The following UBE2H variants were observed in gnomAD, a reference collection of about 807,000 sequenced individuals.
UBE2H encodes the protein ubiquitin conjugating enzyme E2 H.
A neutral mutation model predicts 29.0 loss-of-function variants in UBE2H; 3 were observed. The ratio of observed to expected loss-of-function variants is 0.10; its 90% confidence interval spans 0.05 to 0.27. The LOEUF is 0.27. Ranked by LOEUF, UBE2H falls within the 10% of genes least tolerant of loss-of-function variation. UBE2H has a pLI of 1.00. For missense variants in UBE2H, 68 were observed against 228.2 expected, an observed-to-expected ratio of 0.30 and a Z score of 4.52; for synonymous variants, 69 against 82.9, an observed-to-expected ratio of 0.83 and a Z score of 0.91.
chr7:129,912,325 A>G (rs1436771390), intron 1 of UBE2H, among the ~76,000 whole-genome samples: 2 of 152,200 alleles, frequency 1.3e-5, no homozygotes, highest in African/African-American at 4.8e-5. Flanking sequence ...ATTTATTTGC[A>G]TATACATAAT....
intron 1 of UBE2H, among the ~76,000 whole-genome samples, chr7:129,915,350 C>T (rs1207153699): frequency 5.3e-5 from 8 of 152,102 alleles, no homozygotes; most frequent in African/African-American, 1.9e-4. Flanking sequence ...TCCTGGCTAA[C>T]ACAGTGGAAC....
chr7:129,934,969 GTATATATGTGTGTGTA>G (rs1353963928), intron 1 of UBE2H, among the ~76,000 whole-genome samples: 32 of 150,224 alleles, frequency 2.1e-4, no homozygotes, highest in African/African-American at 4.7e-4. Context: ...ATATATATGT[GTATATATGTGTGTGTA>G]TATATATGTG....
intron 6 of UBE2H, 61 bp downstream of exon 6, chr7:129,839,146 T>G (rs1257014092): frequency 1.0e-5 from 16 of 1,576,654 alleles, no homozygotes; most frequent in Non-Finnish European, 1.4e-5. Flanking sequence ...GGACTTTTAA[T>G]GACTGAAGCC....
chr7:129,905,484 A>G (rs1806797307), intron 1 of UBE2H, among the ~76,000 whole-genome samples: 2 of 152,162 alleles, frequency 1.3e-5, no homozygotes, highest in Admixed American at 1.3e-4. Flanking sequence ...TTCCAGTTGT[A>G]CCTTTCAGAC....
intron 1 of UBE2H, among the ~76,000 whole-genome samples, chr7:129,897,880 T>C (rs1159350021): frequency 1.3e-5 from 2 of 152,216 alleles, no homozygotes; most frequent in East Asian, 1.9e-4. Flanking sequence ...TACAGAAGTG[T>C]AGTTAACAGG....
intron 1 of UBE2H, among the ~76,000 whole-genome samples, chr7:129,948,090 C>G (rs1263115212): frequency 1.3e-5 from 2 of 152,084 alleles, no homozygotes; most frequent in Non-Finnish European, 2.9e-5. Flanking sequence ...GAACTCCTGA[C>G]CTCAGGTGAT....
At chr7:129,945,327 T>C (rs1023632664) in intron 1 of UBE2H, among the ~76,000 whole-genome samples, 2 of 151,826 alleles carry the variant, frequency 1.3e-5, no homozygotes, top group African/African-American at 2.4e-5. Context: ...TCCTGTTAGA[T>C]CTATCTGCTC....
chr7:129,839,382 C>T lies in UBE2H; in HGVS notation c.299-47G>A, dbSNP rs779172548. 3.1e-6 allele frequency: 5 copies of T among 1,607,706 alleles called. No individual in the cohort carries two copies. In the African/African-American group the frequency reaches 5.4e-5, roughly 17 times the overall value. On this transcript the variant is annotated intron_variant, in intron 5 of 6. Coordinates refer to ENST00000355621, the MANE Select transcript of UBE2H (RefSeq NM_003344.4). ...TCACACATGGGAAATGCAAGTTCAC[C>T]TAAAATTCACTTGCATTCAGTAGTC...
chr7:129,922,573 A>C (rs75576209), intron 1 of UBE2H, among the ~76,000 whole-genome samples: 2 of 152,146 alleles, frequency 1.3e-5, no homozygotes, highest in East Asian at 3.9e-4. Context: ...CACTGTGCCC[A>C]GAAAAACAGT....
intron 5 of UBE2H, among the ~76,000 whole-genome samples, chr7:129,844,418 AATAAAG>A (rs1805477593): frequency 6.6e-6 from 1 of 152,242 alleles, no homozygotes; most frequent in African/African-American, 2.4e-5. Flanking sequence ...TCAAGAATAA[AATAAAG>A]ATACTCATCT....
intron 3 of UBE2H, among the ~76,000 whole-genome samples, chr7:129,868,761 C>T (rs890246338): frequency 6.6e-6 from 1 of 152,088 alleles, no homozygotes; most frequent in African/African-American, 2.4e-5. Flanking sequence ...TGAATTTAGA[C>T]ATTACAGCCT....
At chr7:129,847,660 T>G (rs554068384) in intron 5 of UBE2H, among the ~76,000 whole-genome samples, 2 of 152,138 alleles carry the variant, frequency 1.3e-5, no homozygotes, top group Admixed American at 6.5e-5. Flanking sequence ...TCTCTTTAAA[T>G]AAAAAAGAAA....
At chr7:129,857,700 A>G in intron 4 of UBE2H, 137 bp from the exon 5 acceptor site, 1 of 899,254 alleles carries the variant, frequency 1.1e-6, no homozygotes, top group South Asian at 1.8e-5. Context: ...GGGGAAAAGT[A>G]TGATGAGGAA....
chr7:129,891,404 G>A (rs899574632), intron 1 of UBE2H, among the ~76,000 whole-genome samples: 1 of 152,016 alleles, frequency 6.6e-6, no homozygotes, highest in African/African-American at 2.4e-5. Context: ...ATGCAGGGAA[G>A]GGACATTACC....
At chr7:129,844,717 C>T (rs1266876879) in intron 5 of UBE2H, among the ~76,000 whole-genome samples, 1 of 152,212 alleles carries the variant, frequency 6.6e-6, no homozygotes, top group African/African-American at 2.4e-5. Context: ...TTGCCTTAGA[C>T]TCAATTAGAA....
At chr7:129,865,049 T>C (rs1805875763) in intron 3 of UBE2H, 2 of 443,296 alleles carry the variant, frequency 4.5e-6, no homozygotes, top group South Asian at 3.2e-5. Flanking sequence ...CAGAAGGGAA[T>C]TAGGTAATTT....
At chr7:129,890,515 G>A (rs1243303668) in intron 1 of UBE2H, among the ~76,000 whole-genome samples, 1 of 152,006 alleles carries the variant, frequency 6.6e-6, no homozygotes, top group Non-Finnish European at 1.5e-5. Context: ...AAGCAGCCGG[G>A]ATTACAGGTG....
intron 1 of UBE2H, among the ~76,000 whole-genome samples, chr7:129,931,641 T>G (rs1234337344): frequency 2.0e-5 from 3 of 152,150 alleles, no homozygotes; most frequent in Non-Finnish European, 2.9e-5. Context: ...GCTTCTGTAT[T>G]GAATCTGGTA....
At chr7:129,886,767 T>TTTTTTTTGGTAA (rs1554435104) in intron 1 of UBE2H, among the ~76,000 whole-genome samples, 56 of 72,060 alleles carry the variant, frequency 7.8e-4, no homozygotes, top group Non-Finnish European at 1.1e-3. Flanking sequence ...TGTTTTTTGG[T>TTTTTTTTGGTAA]AAAAAAAAAA....
Sources: gnomAD v4.1 joint callset for allele counts (sites outside exome capture counted in the v4.1 genomes callset) on GRCh38, gnomAD v4.1.1 for gene constraint, MANE v1.5 for transcripts, NCBI Gene and HGNC (gene_info 2026-07-23, HGNC 2026-07-21) for gene names.